The following PLEKHA8 variants were observed in gnomAD, a reference collection of about 807,000 sequenced individuals.
The protein encoded by PLEKHA8 is pleckstrin homology domain containing A8, also known as pleckstrin homology domain-containing family A member 8.
Under a neutral mutation model 68.2 loss-of-function variants are expected in PLEKHA8, and 36 were observed. The observed-to-expected ratio is 0.53, with a 90% CI of 0.40 to 0.70. PLEKHA8 has a LOEUF of 0.70. PLEKHA8 is among the 30% of genes least tolerant of loss of function. PLEKHA8 has a pLI of 0.00. For missense variants in PLEKHA8, 505 were observed against 615.4 expected, an observed-to-expected ratio of 0.82 and a Z score of 1.90; for synonymous variants, 211 against 216.1, an observed-to-expected ratio of 0.98 and a Z score of 0.20.
chr7:30,130,380 G>A (rs1417784268), downstream of PLEKHA8: 4 of 152,200 alleles, frequency 2.6e-5, no homozygotes, highest in African/African-American at 4.8e-5. Flanking sequence ...TTCAGAAATA[G>A]GGAAAATGAG....
At chr7:30,115,913 T>G (rs568696988) in intron 13 of PLEKHA8, 1 of 113,624 alleles carries the variant, frequency 8.8e-6, no homozygotes, top group South Asian at 2.6e-4. Flanking sequence ...TATACATGCA[T>G]GCGTGCGTGT....
intron 13 of PLEKHA8, among the ~76,000 whole-genome samples, chr7:30,097,140 T>C (rs1395873323): frequency 6.6e-6 from 1 of 152,244 alleles, no homozygotes; most frequent in Non-Finnish European, 1.5e-5. Flanking sequence ...TCTTTAAGAA[T>C]GTTGAATATC....
chr7:30,053,525 G>C (rs1792585967), intron 7 of PLEKHA8, among the ~76,000 whole-genome samples: 1 of 152,132 alleles, frequency 6.6e-6, no homozygotes. Flanking sequence ...TGGGAGTTGA[G>C]GGAAGGAGCT....
At chr7:30,090,576 C>T (rs569543012) in exon 13 of PLEKHA8, 1 of 170,608 alleles carries the variant, frequency 5.9e-6, no homozygotes, top group Admixed American at 6.3e-5. Context: ...ATAAATATTA[C>T]AAACCCTAAG....
intron 9 of PLEKHA8, among the ~76,000 whole-genome samples, chr7:30,057,557 A>G (rs1793094780): frequency 6.6e-6 from 1 of 151,816 alleles, no homozygotes; most frequent in Non-Finnish European, 1.5e-5. Flanking sequence ...TCCCGGGTTC[A>G]AGTGATTCTC....
intron 1 of PLEKHA8, among the ~76,000 whole-genome samples, chr7:30,036,317 C>CAGAT (rs778251007): frequency 6.6e-6 from 1 of 151,602 alleles, no homozygotes; most frequent in Admixed American, 6.6e-5. Flanking sequence ...GACTGTGTCT[C>CAGAT]AGATAGATAG....
At chr7:30,059,562 T>A (rs1583837096) in intron 9 of PLEKHA8, among the ~76,000 whole-genome samples, 4 of 148,624 alleles carry the variant, frequency 2.7e-5, no homozygotes, top group African/African-American at 1.0e-4. Context: ...TTTCCTGATC[T>A]CTAGCCAGTT....
chr7:30,069,009 T>TGAGAGA (rs75913354), intron 12 of PLEKHA8, among the ~76,000 whole-genome samples: 1 of 151,602 alleles, frequency 6.6e-6, no homozygotes, highest in Non-Finnish European at 1.5e-5. Flanking sequence ...ATACCAACTT[T>TGAGAGA]GAGAGAGAGA....
In PLEKHA8 at chr7:30,052,739, A is replaced by G; in HGVS notation, c.669A>G (p.Gly223=). The change falls in exon 7 of 14, where the codon GGA becomes GGG. Residue 223 remains glycine (G), a synonymous_variant. Coordinates refer to ENST00000449726, the MANE Select transcript of PLEKHA8 (RefSeq NM_001197026.2). Reference sequence around the variant, plus strand: ...TGGAGTTGAGCACTTGTGAAAATGGATCTTTAAATATGGAAATAAATGGTG... The same window carrying G: ...TGGAGTTGAGCACTTGTGAAAATGGGTCTTTAAATATGGAAATAAATGGTG... ...RQMELSTCEN[G]SLNMEINGEE... is the part of the protein sequence containing the mutation. 3 of 1,559,644 alleles carry G rather than the reference A, an allele frequency of 1.9e-6. No homozygotes were observed. The highest frequency in any genetic ancestry group is 2.4e-5 in the South Asian group (2 of 82,036).
chr7:30,112,025 A>G (rs951308676), intron 13 of PLEKHA8, among the ~76,000 whole-genome samples: 2 of 152,230 alleles, frequency 1.3e-5, no homozygotes, highest in East Asian at 1.9e-4. Flanking sequence ...TTTAAAATTG[A>G]TGGCACAGAA....
chr7:30,036,213 G>T (rs150532697), intron 1 of PLEKHA8, among the ~76,000 whole-genome samples: 45 of 151,850 alleles, frequency 3.0e-4, no homozygotes, highest in African/African-American at 1.0e-3. Flanking sequence ...CTAAGGGGTT[G>T]CAGTGAGCCA....
In PLEKHA8 at chr7:30,078,556, T is replaced by C. The variant is rs759354565; in HGVS notation, c.1363-34T>C. On this transcript the variant is annotated intron_variant, in intron 13 of 13. Coordinates refer to ENST00000449726, the MANE Select transcript of PLEKHA8 (RefSeq NM_001197026.2). Reference sequence around the variant, plus strand: ...AAAAATAAGAGTGTGAGAGACAGACTTGATGCAGATTCTCATGGGTTATTC... The same window carrying C: ...AAAAATAAGAGTGTGAGAGACAGACCTGATGCAGATTCTCATGGGTTATTC... 21 of 1,608,410 alleles carry C rather than the reference T, an allele frequency of 1.3e-5. No homozygotes were observed. The Admixed American group carries it at 3.3e-4, about 26-fold the overall frequency.
At chr7:30,074,503 G>A (rs1327201889) in intron 13 of PLEKHA8, among the ~76,000 whole-genome samples, 2 of 152,130 alleles carry the variant, frequency 1.3e-5, no homozygotes, top group Admixed American at 6.5e-5. Flanking sequence ...ATAAGTGGTT[G>A]CCTTTCTGAT....
intron 7 of PLEKHA8, among the ~76,000 whole-genome samples, chr7:30,054,018 C>T (rs1404577293): frequency 1.3e-5 from 2 of 152,162 alleles, no homozygotes; most frequent in Non-Finnish European, 2.9e-5. Context: ...ATCTAACACA[C>T]ATCTTTTTTC....
Position 30,081,838 on chromosome 7 carries a change from C to T in PLEKHA8, c.*3051C>T. The T allele has an allele frequency of 2.0e-6, 2 of 985,342 alleles. No individual in the cohort carries two copies. The highest frequency in any genetic ancestry group is 1.2e-6 in the Non-Finnish European group (1 of 829,872). The allele number at this position is 985,342 out of a possible 1,614,324, so 61.0% of individuals were successfully genotyped here. A position where few individuals can be genotyped will look rare whatever the true frequency, so the allele number is the denominator to read the frequency against. ...CTGTACTTTTCTCTATGGTAAAAGCCAGTGTTTACACTTTGTAGGGATCAG... is the reference window on the plus strand; with the variant it reads ...CTGTACTTTTCTCTATGGTAAAAGCTAGTGTTTACACTTTGTAGGGATCAG... On this transcript the variant is annotated 3_prime_UTR_variant, in exon 14 of 14. Coordinates refer to ENST00000449726, the MANE Select transcript of PLEKHA8 (RefSeq NM_001197026.2).
At chr7:30,056,939 A>G (rs1793038057) in intron 9 of PLEKHA8, among the ~76,000 whole-genome samples, 1 of 147,466 alleles carries the variant, frequency 6.8e-6, no homozygotes, top group South Asian at 2.1e-4. Flanking sequence ...TATATAATAT[A>G]TATTTATATA....
chr7:30,090,220 G>A, exon 13 of PLEKHA8: 3 of 1,543,640 alleles, frequency 1.9e-6, no homozygotes, highest in South Asian at 1.2e-5. Context: ...CAAGAATGAA[G>A]AAAGAATTCC....
chr7:30,095,097 C>G (rs1291188909), downstream of PLEKHA8, among the ~76,000 whole-genome samples: 2 of 152,200 alleles, frequency 1.3e-5, no homozygotes, highest in Non-Finnish European at 2.9e-5. Flanking sequence ...TGAGGAATCA[C>G]CACACTGACT....
chr7:30,069,432 G>T (rs1399282697), intron 12 of PLEKHA8, among the ~76,000 whole-genome samples: 4 of 152,114 alleles, frequency 2.6e-5, no homozygotes, highest in Non-Finnish European at 4.4e-5. Context: ...CCAATTATAG[G>T]TTTACAGTAG....
Sources: allele counts gnomAD v4.1 joint callset (sites outside exome capture counted in the v4.1 genomes callset), GRCh38; gene constraint gnomAD v4.1.1; transcripts MANE v1.5; gene names NCBI Gene and HGNC (gene_info 2026-07-23, HGNC 2026-07-21).